The following SNTG2 variants were observed in gnomAD, a reference collection of about 807,000 sequenced individuals.
SNTG2 encodes gamma-2-syntrophin.
Under a neutral mutation model 70.9 loss-of-function variants are expected in SNTG2, and 74 were observed. That is an observed-to-expected ratio of 1.04 (90% CI 0.86 to 1.27). SNTG2 has a LOEUF of 1.27. SNTG2 is among the 50% of genes most tolerant of loss of function. The pLI is 0.00. For missense variants in SNTG2, 717 were observed against 690.7 expected, an observed-to-expected ratio of 1.04 and a Z score of -0.43; for synonymous variants, 278 against 273.8, an observed-to-expected ratio of 1.02 and a Z score of -0.15.
intron 6 of SNTG2, among the ~76,000 whole-genome samples, chr2:1,159,749 G>C (rs914590064): frequency 1.3e-5 from 2 of 152,156 alleles, no homozygotes; most frequent in Non-Finnish European, 2.9e-5. Flanking sequence ...TTGTAGAAGA[G>C]AAAACATAGA....
At position 1,140,279 on chromosome 2, in the gene SNTG2, A is replaced by G. The variant is rs528392188; in HGVS notation, c.411+2470A>G. On this transcript the variant is annotated intron_variant, in intron 6 of 16. Coordinates refer to ENST00000308624, the MANE Select transcript of SNTG2 (RefSeq NM_018968.4). Reference sequence around the variant, plus strand: ...AATACACATACATGCATATACATTAACATATAGTTTCCCCTTTTTAGTACA... The same window carrying G: ...AATACACATACATGCATATACATTAGCATATAGTTTCCCCTTTTTAGTACA... Among the ~76,000 whole-genome samples, 89 of 152,384 alleles carry G rather than the reference A, an allele frequency of 5.8e-4. 2 individuals are homozygous for G. The highest frequency in any genetic ancestry group is 2.0e-3 in the African/African-American group (85 of 41,598).
chr2:1,359,960 A>G (rs1331546600), intron 16 of SNTG2, among the ~76,000 whole-genome samples: 2 of 152,356 alleles, frequency 1.3e-5, no homozygotes, highest in East Asian at 3.9e-4. Context: ...GCAAACAAAG[A>G]AACTAAAGCT....
intron 1 of SNTG2, among the ~76,000 whole-genome samples, chr2:965,525 G>C (rs1660526587): frequency 6.9e-6 from 1 of 145,402 alleles, no homozygotes; most frequent in Non-Finnish European, 1.5e-5. Context: ...CCCTCCTCCT[G>C]GCCTCTCGGT....
At chr2:964,000 T>C (rs1660444074) in intron 1 of SNTG2, among the ~76,000 whole-genome samples, 1 of 152,162 alleles carries the variant, frequency 6.6e-6, no homozygotes, top group East Asian at 1.9e-4. Flanking sequence ...TTTTCCTGTC[T>C]CTAGTCTCAA....
At chr2:969,734 G>T (rs1374496460) in intron 1 of SNTG2, among the ~76,000 whole-genome samples, 1 of 152,194 alleles carries the variant, frequency 6.6e-6, no homozygotes, top group Non-Finnish European at 1.5e-5. Context: ...CTTTGCTGAA[G>T]TTGTTTATCA....
intron 12 of SNTG2, 79 bp downstream of exon 12, chr2:1,247,522 T>C (rs1215812556): frequency 3.0e-6 from 3 of 993,036 alleles, no homozygotes; most frequent in Non-Finnish European, 4.8e-6. Context: ...CTACATCTGG[T>C]GTTTGGAGGA....
At chr2:1,131,145 G>A (rs1259206580) in intron 4 of SNTG2, among the ~76,000 whole-genome samples, 1 of 152,180 alleles carries the variant, frequency 6.6e-6, no homozygotes, top group Non-Finnish European at 1.5e-5. Flanking sequence ...GTTTCCAACT[G>A]TAAGACATTC....
chr2:1,097,440 A>G lies in SNTG2; in HGVS notation c.211-756A>G, dbSNP rs1354704220. On this transcript the variant is annotated intron_variant, in intron 2 of 16. Transcript: ENST00000308624. This position sits in a 1 kb window ranked among gnomAD's most constrained non-coding sequence, Gnocchi z 4.1. ...TTTCCTGTAGTGTATTTTTGAGGTA[A>G]AAGCACCCTTTGGCCACTGTCCGTC... Among the ~76,000 whole-genome samples the G allele has an allele frequency of 2.0e-5, 3 of 152,112 alleles. No homozygotes were observed. Among genetic ancestry groups the G allele is most frequent in the African/African-American group, 7.2e-5 (3 of 41,400 alleles).
intron 1 of SNTG2, among the ~76,000 whole-genome samples, chr2:1,073,374 A>G (rs1420723390): frequency 6.6e-6 from 1 of 152,248 alleles, no homozygotes; most frequent in Non-Finnish European, 1.5e-5. Context: ...CAACGAGGCA[A>G]GGTTCTCCAC....
chr2:1,158,014 C>T (rs1201349884), intron 6 of SNTG2, among the ~76,000 whole-genome samples: 2 of 152,180 alleles, frequency 1.3e-5, no homozygotes, highest in African/African-American at 4.8e-5. Context: ...TGGTACGGGG[C>T]ATCCTGTAGA....
chr2:1,112,794 A>T (rs1666588646), intron 4 of SNTG2, among the ~76,000 whole-genome samples: 1 of 151,314 alleles, frequency 6.6e-6, no homozygotes, highest in Non-Finnish European at 1.5e-5. Context: ...GTACTAAGTG[A>T]GGTTTAACCC....
intron 10 of SNTG2, among the ~76,000 whole-genome samples, chr2:1,239,178 A>G (rs1175939618): frequency 2.0e-5 from 3 of 152,198 alleles, no homozygotes; most frequent in Non-Finnish European, 2.9e-5. Context: ...TCATTTCACA[A>G]ATCAGCCCTC....
intron 6 of SNTG2, 41 bp downstream of exon 6, chr2:1,137,850 T>C: frequency 6.5e-7 from 1 of 1,541,382 alleles, no homozygotes; most frequent in African/African-American, 1.4e-5. Flanking sequence ...TTTATTATTC[T>C]TGTATTTGAA....
intron 1 of SNTG2, among the ~76,000 whole-genome samples, chr2:972,093 G>C (rs1476644810): frequency 6.6e-6 from 1 of 152,150 alleles, no homozygotes; most frequent in Non-Finnish European, 1.5e-5. Context: ...AATATGTGCA[G>C]ATGAGAATAA....
chr2:1,268,644 C>G (rs575622265), intron 14 of SNTG2, among the ~76,000 whole-genome samples: 2 of 152,260 alleles, frequency 1.3e-5, no homozygotes, highest in South Asian at 2.1e-4. Context: ...ATTCATTAAC[C>G]ATTATAGAAC....
chr2:1,183,770 G>A (rs1217615649), intron 8 of SNTG2, among the ~76,000 whole-genome samples: 1 of 151,918 alleles, frequency 6.6e-6, no homozygotes. Flanking sequence ...GATGCAAAAG[G>A]CATTTATTCT....
At chr2:996,736 A>G (rs556228634) in intron 1 of SNTG2, among the ~76,000 whole-genome samples, 2 of 138,232 alleles carry the variant, frequency 1.4e-5, no homozygotes, top group South Asian at 4.7e-4. Context: ...AAGCAACACA[A>G]GAAAGACATT....
At chr2:993,769 T>C (rs1475782809) in intron 1 of SNTG2, among the ~76,000 whole-genome samples, 1 of 152,176 alleles carries the variant, frequency 6.6e-6, no homozygotes, top group Non-Finnish European at 1.5e-5. Context: ...TCCCTGATGA[T>C]TAATAATGTT....
intron 16 of SNTG2, chr2:1,341,001 C>T (rs1009777042): frequency 6.6e-6 from 1 of 152,158 alleles, no homozygotes; most frequent in African/African-American, 2.4e-5. Context: ...TTAATTCTCC[C>T]AATAGACACA....
Sources: gnomAD v4.1 joint callset for allele counts (sites outside exome capture counted in the v4.1 genomes callset) on GRCh38, gnomAD v4.1.1 for gene constraint, Gnocchi (gnomAD v3.1) non-coding constraint, MANE v1.5 for transcripts, NCBI Gene and HGNC (gene_info 2026-07-23, HGNC 2026-07-21) for gene names.